The following SNTG1 variants were observed in gnomAD, a reference collection of about 807,000 sequenced individuals.
The protein encoded by SNTG1 is gamma-1-syntrophin.
A neutral mutation model predicts 74.7 loss-of-function variants in SNTG1; 39 were observed. That is an observed-to-expected ratio of 0.52 (90% CI 0.40 to 0.68). The LOEUF (loss-of-function observed/expected upper bound fraction) is 0.68. Ranked by LOEUF, SNTG1 falls within the 30% of genes least tolerant of loss-of-function variation. The pLI is 0.00. For missense variants in SNTG1, 685 were observed against 609.5 expected (o/e 1.12, Z -1.30); for synonymous variants, 254 against 217.1 (o/e 1.17, Z -1.49).
At chr8:50,625,746 A>T (rs1217620382) in intron 13 of SNTG1, among the ~76,000 whole-genome samples, 5 of 152,218 alleles carry the variant, frequency 3.3e-5, no homozygotes, top group African/African-American at 1.2e-4. Context: ...TCATTAGCGA[A>T]TATTCCCAAC....
intron 17 of SNTG1, among the ~76,000 whole-genome samples, chr8:50,722,633 T>G (rs1266899355): frequency 6.6e-6 from 1 of 152,162 alleles, no homozygotes; most frequent in Non-Finnish European, 1.5e-5. Flanking sequence ...ATTCTTTAAT[T>G]AATTATTTAA....
chr8:50,497,979 T>C (rs2093918619), intron 8 of SNTG1, among the ~76,000 whole-genome samples: 1 of 152,032 alleles, frequency 6.6e-6, no homozygotes, highest in African/African-American at 2.4e-5. Context: ...CATTCCATTA[T>C]AAGGATATAT....
rs148826779 is a variant in SNTG1 at position 50,428,155 on chromosome 8, A to C, written c.163-10388A>C. On this transcript the variant is annotated intron_variant, in intron 4 of 18. Transcript: ENST00000642720. Reference sequence around the variant, plus strand: ...ATAAACTACATTTCTACAAAAAATTAAAAAATTAGTTGAGCATGGTGGCAT... The same window carrying C: ...ATAAACTACATTTCTACAAAAAATTCAAAAATTAGTTGAGCATGGTGGCAT... 1.7e-3 allele frequency among the ~76,000 whole-genome samples: 261 copies of C among 152,262 alleles called. 2 individuals are homozygous for C. The highest frequency in any genetic ancestry group is 5.6e-3 in the African/African-American group (232 of 41,558).
At chr8:50,536,559 A>G in intron 10 of SNTG1, 119 bp from the exon 11 acceptor site, 3 of 1,236,454 alleles carry the variant, frequency 2.4e-6, no homozygotes. Context: ...ATGGTATTCC[A>G]TTAAAGTCTT....
chr8:50,575,943 T>G (rs1041288675), intron 12 of SNTG1, among the ~76,000 whole-genome samples: 1 of 152,174 alleles, frequency 6.6e-6, no homozygotes, highest in African/African-American at 2.4e-5. Flanking sequence ...TGTTTTTTCT[T>G]TCCTTATTTT....
chr8:50,699,464 T>C (rs2095416245), intron 15 of SNTG1, among the ~76,000 whole-genome samples: 1 of 152,180 alleles, frequency 6.6e-6, no homozygotes, highest in Non-Finnish European at 1.5e-5. Context: ...ATTGTCATTC[T>C]TCTAAGTGGA....
intron 13 of SNTG1, among the ~76,000 whole-genome samples, chr8:50,616,638 C>T (rs1244850763): frequency 6.6e-6 from 1 of 152,188 alleles, no homozygotes; most frequent in Non-Finnish European, 1.5e-5. Flanking sequence ...GAGCCCTCCC[C>T]CTCAGCTTCT....
At chr8:50,509,967 G>A (rs1284839656) in intron 9 of SNTG1, among the ~76,000 whole-genome samples, 1 of 152,138 alleles carries the variant, frequency 6.6e-6, no homozygotes, top group Non-Finnish European at 1.5e-5. Flanking sequence ...AATAGGAGTG[G>A]TGAGAGAGCA....
chr8:49,937,614 C>T (rs1808205018), intron 1 of SNTG1, among the ~76,000 whole-genome samples: 1 of 152,082 alleles, frequency 6.6e-6, no homozygotes, highest in Non-Finnish European at 1.5e-5. Flanking sequence ...GACAATGAAA[C>T]ATGCTAACCA....
chr8:50,258,736 A>G (rs1458528153), intron 2 of SNTG1, among the ~76,000 whole-genome samples: 1 of 152,176 alleles, frequency 6.6e-6, no homozygotes, highest in Non-Finnish European at 1.5e-5. Flanking sequence ...ATATCATCTG[A>G]ATAACACAGG....
chr8:50,033,383 G>A (rs1009086230), intron 1 of SNTG1, among the ~76,000 whole-genome samples: 4 of 151,990 alleles, frequency 2.6e-5, no homozygotes, highest in South Asian at 2.1e-4. Context: ...CTTGGCCTCC[G>A]AAAGTTCTGG....
At position 50,253,381 on chromosome 8, in the gene SNTG1, C is replaced by T. The variant is rs114823539; in HGVS notation, c.-28+80746C>T. Among the ~76,000 whole-genome samples, 831 of 151,810 alleles carry T rather than the reference C, an allele frequency of 5.5e-3. 10 individuals are homozygous for T. Among genetic ancestry groups the T allele is most frequent in the African/African-American group, 0.019 (795 of 41,336 alleles). The stretch of plus-strand genomic sequence containing the variant: ...GAGGTGACTGTGAGTGGAGATCACA[C>T]GATTGCATTTCAGCCTGTGCAACAA... On this transcript the variant is annotated intron_variant, in intron 2 of 18. Transcript: ENST00000642720.
chr8:50,415,441 TA>T (rs1254465666), intron 4 of SNTG1, among the ~76,000 whole-genome samples: 2 of 152,136 alleles, frequency 1.3e-5, no homozygotes, highest in African/African-American at 2.4e-5. Flanking sequence ...GTAATTGATG[TA>T]AATGTTTACT....
At chr8:50,210,077 G>A (rs950676175) in intron 2 of SNTG1, among the ~76,000 whole-genome samples, 19 of 152,152 alleles carry the variant, frequency 1.2e-4, no homozygotes, top group Admixed American at 4.6e-4. Flanking sequence ...ACTACGTGAA[G>A]CATGCACAAG....
At chr8:49,943,818 C>T (rs916798032) in intron 1 of SNTG1, among the ~76,000 whole-genome samples, 2 of 152,122 alleles carry the variant, frequency 1.3e-5, no homozygotes, top group Admixed American at 1.3e-4. Context: ...CATTTTATTT[C>T]CATTTTAATT....
chr8:50,002,791 G>A (rs1047883328), intron 1 of SNTG1, among the ~76,000 whole-genome samples: 25 of 152,020 alleles, frequency 1.6e-4, no homozygotes, highest in African/African-American at 5.1e-4. Flanking sequence ...ATACAAAAAC[G>A]TGGAAAAATG....
At chr8:50,671,096 G>T (rs1413614862) in intron 15 of SNTG1, among the ~76,000 whole-genome samples, 4 of 151,720 alleles carry the variant, frequency 2.6e-5, no homozygotes, top group Admixed American at 2.0e-4. Flanking sequence ...AACCCTAGAA[G>T]AAAACCTAGG....
At chr8:50,757,299 G>C (rs1185714945) in intron 18 of SNTG1, among the ~76,000 whole-genome samples, 1 of 151,836 alleles carries the variant, frequency 6.6e-6, no homozygotes, top group Non-Finnish European at 1.5e-5. Context: ...AACTATGATA[G>C]TGGATTCTTC....
At chr8:50,464,009 C>T (rs1297551261) in intron 8 of SNTG1, among the ~76,000 whole-genome samples, 2 of 152,134 alleles carry the variant, frequency 1.3e-5, no homozygotes, top group African/African-American at 2.4e-5. Flanking sequence ...GGCTTCTTTC[C>T]TTAAACCTCA....
Sources: gnomAD v4.1 joint callset for allele counts (sites outside exome capture counted in the v4.1 genomes callset) on GRCh38, gnomAD v4.1.1 for gene constraint, MANE v1.5 for transcripts, NCBI Gene and HGNC (gene_info 2026-07-23, HGNC 2026-07-21) for gene names.